Variants in ZNF442 observed in about 807,000 individuals in gnomAD.
ZNF442 encodes zinc finger protein 442.
ZNF442 carries 45 observed loss-of-function variants against 57.0 expected under a neutral mutation model. The ratio of observed to expected loss-of-function variants is 0.79; its 90% CI spans 0.62 to 1.01. The LOEUF (loss-of-function observed/expected upper bound fraction) is 1.01. Ranked by LOEUF, ZNF442 falls within the 50% of genes least tolerant of loss-of-function variation. The pLI, the probability that ZNF442 is intolerant of heterozygous loss-of-function variation, is 0.00. For synonymous variants in ZNF442, 213 were observed against 241.8 expected (o/e 0.88, Z 1.10); for missense variants, 690 against 756.5 (o/e 0.91, Z 1.03).
intron 3 of ZNF442, among the ~76,000 whole-genome samples, chr19:12,356,490 GGT>G (rs1969331284): frequency 6.6e-6 from 1 of 152,026 alleles, no homozygotes; most frequent in Non-Finnish European, 1.5e-5. Flanking sequence ...AGCCGGGCAT[GGT>G]GGCGGGTGCC....
chr19:12,370,258 A>G (rs1401332888), upstream of ZNF442, among the ~76,000 whole-genome samples: 2 of 151,354 alleles, frequency 1.3e-5, no homozygotes, highest in Non-Finnish European at 2.9e-5. Flanking sequence ...AGAATCTCAT[A>G]AGGTGCATGC....
At chr19:12,363,229 C>T (rs1439163730) in intron 3 of ZNF442, among the ~76,000 whole-genome samples, 2 of 149,482 alleles carry the variant, frequency 1.3e-5, no homozygotes, top group African/African-American at 2.5e-5. Context: ...CTAACTATTT[C>T]TGGCCTCTAT....
chr19:12,352,871 T>C (rs1969266431), intron 4 of ZNF442, 117 bp downstream of exon 4: 3 of 1,270,510 alleles, frequency 2.4e-6, no homozygotes, highest in Admixed American at 4.9e-5. Flanking sequence ...CACTTAACCC[T>C]GTGTTGTTGA....
At position 12,350,581 on chromosome 19, in the gene ZNF442, C is replaced by A; in HGVS notation, c.1004G>T (p.Ser335Ile). The change falls in exon 6 of 6, where the codon AGC becomes ATC. Residue 335 changes from serine to isoleucine, a missense_variant. By Grantham distance (142) the Ser-to-Ile change is moderately radical (BLOSUM62 -2). Transcript: ENST00000242804. ...GTGCCTTATCATGTGTCTTTGAAAG[C>A]TTCCCAGATGATGAAATGCTTTCCC... ...QCGKAFHHLG[S>I]FQRHMIRHTG... 6.2e-7 allele frequency: 1 copy of A among 1,613,744 alleles called. No homozygotes were observed. Among genetic ancestry groups the A allele is most frequent in the Non-Finnish European group, 8.5e-7 (1 of 1,179,970 alleles).
chr19:12,361,242 C>T (rs1300425044), intron 3 of ZNF442, among the ~76,000 whole-genome samples: 1 of 152,020 alleles, frequency 6.6e-6, no homozygotes, highest in Non-Finnish European at 1.5e-5. Context: ...AAGTATCTAC[C>T]CATTTCAGGC....
intron 4 of ZNF442, 35 bp downstream of exon 4, chr19:12,352,953 T>G: frequency 6.3e-7 from 1 of 1,586,650 alleles, no homozygotes; most frequent in East Asian, 2.3e-5. Context: ...AAAATGTCTC[T>G]AATTGACTAA....
intron 3 of ZNF442, among the ~76,000 whole-genome samples, chr19:12,360,787 C>A (rs1319947444): frequency 6.6e-6 from 1 of 151,918 alleles, no homozygotes; most frequent in Non-Finnish European, 1.5e-5. Flanking sequence ...GGCTGAGGCA[C>A]GAGAATCACA....
At position 12,350,983 on chromosome 19, in the gene ZNF442, A is replaced by G. The variant is rs1271954876; in HGVS notation, c.602T>C (p.Ile201Thr). Residue 201 changes from isoleucine to threonine, a missense_variant, in exon 6 of 6, where the codon ATA becomes ACA. Physicochemically the swap from Ile to Thr is moderately conservative, Grantham distance 89. Transcript: ENST00000242804. ...SSSGNLRRHIIVQRGGGPYIC... is the reference protein window; with the variant it reads ...SSSGNLRRHITVQRGGGPYIC... ...ATAAGGTCCACCTCCACGTTGTACT[A>G]TTATGTGTCTTCGAAGGTTTCCCGA... The G allele has an allele frequency of 1.9e-6, 3 of 1,614,142 alleles. No individual in the cohort carries two copies. The South Asian group carries it at 3.3e-5, about 18-fold the overall frequency.
intron 3 of ZNF442, among the ~76,000 whole-genome samples, chr19:12,362,638 C>T (rs529931712): frequency 5.3e-4 from 79 of 150,110 alleles, no homozygotes; most frequent in Non-Finnish European, 9.0e-4. Context: ...AGGTGGGGGG[C>T]GCCTCTGCCC....
In ZNF442 at chr19:12,349,473, T is replaced by C. The variant is rs1010002801; in HGVS notation, c.*228A>G. On this transcript the variant is annotated 3_prime_UTR_variant, in exon 6 of 6. Transcript: ENST00000242804. ...ATGATTTATGGGATGCAGGAGGATG[T>C]GGATAGGTTACATGCAAATGTCCTT... 1 of 400,734 alleles carries C rather than the reference T, an allele frequency of 2.5e-6. No homozygotes were observed. 24.8% of individuals were successfully genotyped at this position (400,734 alleles called of 1,614,324 possible). A position where few individuals can be genotyped will look rare whatever the true frequency, so the allele number is the denominator to read the frequency against.
chr19:12,350,380 T>C lies in ZNF442; in HGVS notation c.1205A>G (p.Asp402Gly), dbSNP rs1969203268. Residue 402 changes from aspartate (D) to glycine (G), a missense_variant, in exon 6 of 6, where the codon GAT (aspartate) becomes GGT (glycine). Transcript: ENST00000242804. The stretch of plus-strand genomic sequence containing the variant: ...ACATACCTTGCATTTGTGAGGTCCA[T>C]CTCCAGTGTGCATTATCATATGACT... ...FRSHMIMHTGDGPHKCKVCGK... is the reference protein window; with the variant it reads ...FRSHMIMHTGGGPHKCKVCGK... The C allele has an allele frequency of 2.5e-6, 4 of 1,613,848 alleles. No individual in the cohort carries two copies. The highest frequency in any genetic ancestry group is 3.4e-6 in the Non-Finnish European group (4 of 1,180,026).
At chr19:12,356,043 T>G (rs1040442159) in intron 3 of ZNF442, among the ~76,000 whole-genome samples, 1 of 151,524 alleles carries the variant, frequency 6.6e-6, no homozygotes, top group African/African-American at 2.4e-5. Context: ...AGATTTCAAA[T>G]GAGGAGTCTT....
chr19:12,355,696 G>A (rs980316544), intron 3 of ZNF442, among the ~76,000 whole-genome samples: 2 of 151,150 alleles, frequency 1.3e-5, no homozygotes, highest in African/African-American at 2.4e-5. Context: ...GGCCGGGCAC[G>A]GTGGCTCACA....
At chr19:12,357,237 CATTTTAACAAGCTGCT>C (rs1479685561) in intron 3 of ZNF442, among the ~76,000 whole-genome samples, 1 of 151,642 alleles carries the variant, frequency 6.6e-6, no homozygotes, top group Non-Finnish European at 1.5e-5. Flanking sequence ...TTTTGCATTA[CATTTTAACAAGCTGCT>C]CCTGGGAAGC....
chr19:12,373,675 T>C, the ZNF442 span: 1 of 306,768 alleles, frequency 3.3e-6, no homozygotes, highest in Non-Finnish European at 6.6e-6. Context: ...TCTCAATATG[T>C]GCCGCCAGTG....
upstream of ZNF442, among the ~76,000 whole-genome samples, chr19:12,368,830 G>A (rs1969558725): frequency 1.3e-5 from 2 of 152,120 alleles, no homozygotes; most frequent in South Asian, 2.1e-4. Context: ...AGACCCTTTT[G>A]CCAGTTACAA....
At chr19:12,369,801 G>A (rs1181372350), upstream of ZNF442, among the ~76,000 whole-genome samples, 1 of 151,834 alleles carries the variant, frequency 6.6e-6, no homozygotes, top group Non-Finnish European at 1.5e-5. Context: ...AGCTACTCAG[G>A]AGGCTGAGGC....
chr19:12,351,372 T>C, intron 5 of ZNF442, 54 bp from the exon 6 acceptor site: 1 of 1,489,844 alleles, frequency 6.7e-7, no homozygotes, highest in Non-Finnish European at 9.0e-7. Flanking sequence ...TGACTTTATG[T>C]TTATTAGTAG....
In ZNF442 at chr19:12,350,189, C is replaced by T. The variant is rs746064953; in HGVS notation, c.1396G>A (p.Gly466Arg). ...TGEKPYKCKCGKAFIDFYSFQ... is the reference protein window; with the variant it reads ...TGEKPYKCKCRKAFIDFYSFQ... ...GAATAGAAATCAATAAAGGCTTTCC[C>T]ACATTTACATTTATAGGGTTTCTCT... The change falls in exon 6 of 6, where the codon GGG (glycine) becomes AGG (arginine). Residue 466 changes from glycine to arginine, a missense_variant. Coordinates refer to ENST00000242804, the MANE Select transcript of ZNF442 (RefSeq NM_030824.3). The T allele has an allele frequency of 1.9e-6, 3 of 1,613,712 alleles. No homozygotes were observed. The Admixed American group carries it at 5.0e-5, about 27-fold the overall frequency.
Sources: gnomAD v4.1 joint callset for allele counts (sites outside exome capture counted in the v4.1 genomes callset) on GRCh38, gnomAD v4.1.1 for gene constraint, MANE v1.5 for transcripts, NCBI Gene and HGNC (gene_info 2026-07-23, HGNC 2026-07-21) for gene names.